The following SEC14L5 variants were observed in gnomAD, a reference collection of about 807,000 sequenced individuals.
SEC14L5 encodes the protein SEC14-like protein 5.
Under a neutral mutation model 84.6 loss-of-function variants are expected in SEC14L5, and 96 were observed. The ratio of observed to expected loss-of-function variants is 1.13; its 90% CI spans 0.96 to 1.34. The LOEUF (loss-of-function observed/expected upper bound fraction) is 1.34, where lower values mean the gene tolerates loss of function less well. SEC14L5 is among the 40% of genes most tolerant of loss of function. SEC14L5 has a pLI of 0.00. For missense variants in SEC14L5, 1,224 were observed against 942.5 expected (o/e 1.30, Z -3.91); for synonymous variants, 546 against 383.4 (o/e 1.42, Z -4.95).
intron 2 of SEC14L5, among the ~76,000 whole-genome samples, chr16:4,979,553 G>C (rs1955393883): frequency 6.6e-6 from 1 of 152,110 alleles, no homozygotes; most frequent in African/African-American, 2.4e-5. Flanking sequence ...GTGTCCTTTT[G>C]GTACTCATCG....
At position 5,003,564 on chromosome 16, in the gene SEC14L5, C is replaced by G. The variant is rs758544483; in HGVS notation, c.1293C>G (p.Leu431=). ...GAGCCCCCCGAGTCTTCCCCGTGCT[C>G]TGGACACTGGTAAGAGCTGGAGCCT... ...IVRAPRVFPV[L]WTLISPFINE... Residue 431 remains leucine (L), a synonymous_variant, in exon 11 of 16, where the codon CTC becomes CTG. Coordinates refer to ENST00000251170, the MANE Select transcript of SEC14L5 (RefSeq NM_014692.2). 1.1e-5 allele frequency: 15 copies of G among 1,330,174 alleles called. No individual in the cohort carries two copies. The South Asian group carries it at 1.2e-4, about 10-fold the overall frequency. 82.4% of individuals were successfully genotyped at this position (1,330,174 alleles called of 1,614,324 possible). A position where few individuals can be genotyped will look rare whatever the true frequency, so the allele number is the denominator to read the frequency against.
chr16:5,002,298 A>ATT (rs71402579), intron 10 of SEC14L5, among the ~76,000 whole-genome samples: 59,688 of 133,610 alleles, frequency 0.45, 14,020 homozygotes, highest in Middle Eastern at 0.57. Context: ...CTGTTTGCAG[A>ATT]TTTTTTTTTT....
intron 2 of SEC14L5, among the ~76,000 whole-genome samples, chr16:4,973,666 T>C (rs1447116457): frequency 1.3e-5 from 2 of 150,570 alleles, no homozygotes; most frequent in Non-Finnish European, 2.9e-5. Context: ...ATGTGATTTC[T>C]TTTTTCTCTG....
At chr16:4,982,952 G>A (rs182873750) in intron 2 of SEC14L5, among the ~76,000 whole-genome samples, 1 of 152,156 alleles carries the variant, frequency 6.6e-6, no homozygotes, top group East Asian at 1.9e-4. Context: ...TTATGTAATA[G>A]ATATATTCAT....
At chr16:4,971,350 T>C (rs913814579) in intron 2 of SEC14L5, among the ~76,000 whole-genome samples, 9 of 151,648 alleles carry the variant, frequency 5.9e-5, no homozygotes, top group Admixed American at 5.9e-4. Context: ...TTCCAGCTAC[T>C]TGGGAGGCTG....
intron 2 of SEC14L5, among the ~76,000 whole-genome samples, chr16:4,962,686 C>CAAAAA (rs761644374): frequency 1.4e-4 from 11 of 81,238 alleles, no homozygotes; most frequent in South Asian, 5.6e-4. Flanking sequence ...AACTCTGTCT[C>CAAAAA]AAAAAAAAAA....
chr16:4,968,303 C>A (rs989916925), intron 2 of SEC14L5, among the ~76,000 whole-genome samples: 27 of 151,980 alleles, frequency 1.8e-4, no homozygotes, highest in African/African-American at 6.5e-4. Context: ...CCTCAGCCTC[C>A]CGAGTAGCTG....
chr16:4,972,370 T>G (rs1411066302), intron 2 of SEC14L5, among the ~76,000 whole-genome samples: 1 of 152,200 alleles, frequency 6.6e-6, no homozygotes, highest in Non-Finnish European at 1.5e-5. Flanking sequence ...GCATCTTAAG[T>G]GTACAGTTCA....
intron 2 of SEC14L5, among the ~76,000 whole-genome samples, chr16:4,984,493 A>C (rs1416986948): frequency 6.6e-6 from 1 of 152,172 alleles, no homozygotes; most frequent in African/African-American, 2.4e-5. Context: ...TGTTGCTATA[A>C]ATATTTGTGT....
In SEC14L5 at chr16:5,008,531, C is replaced by T. The variant is rs770493313; in HGVS notation, c.1683C>T (p.Gly561=). Residue 561 remains glycine (G), a synonymous_variant, in exon 14 of 16, where the codon GGC becomes GGT. Coordinates refer to ENST00000251170, the MANE Select transcript of SEC14L5 (RefSeq NM_014692.2). ...ACACCAAGCAGGCGCCCAGGCTGGG[C>T]GCCCGGGAACCGGGGACCAGGGCCA... ...LYHTKQAPRL[G]AREPGTRASG... is the part of the protein sequence containing the mutation. 3.3e-5 allele frequency: 53 copies of T among 1,608,908 alleles called. No individual in the cohort carries two copies. In the Middle Eastern group the frequency reaches 5.1e-4, roughly 15 times the overall value.
At chr16:4,998,641 G>A (rs1955641174) in intron 8 of SEC14L5, among the ~76,000 whole-genome samples, 1 of 147,674 alleles carries the variant, frequency 6.8e-6, no homozygotes, top group South Asian at 2.2e-4. Flanking sequence ...GGGAGGCTGA[G>A]GCAGGAGAAT....
intron 15 of SEC14L5, 64 bp from the exon 16 acceptor site, chr16:5,014,793 CTG>C: frequency 1.6e-6 from 2 of 1,254,994 alleles, no homozygotes; most frequent in African/African-American, 2.9e-5. Context: ...TTTTCCACTG[CTG>C]TGTGTCAGCC....
rs948801581 is a variant in SEC14L5 at position 5,006,099 on chromosome 16, C to T, written c.1437+51C>T. ...ACCTGGGCTTGAGGAGGGGGCATGC[C>T]TAGCTGGGAGGCTGGGATTCCCGGA... On this transcript the variant is annotated intron_variant, in intron 12 of 15. Transcript: ENST00000251170. 5 of 1,594,648 alleles carry T rather than the reference C, an allele frequency of 3.1e-6. No homozygotes were observed. The East Asian group carries it at 9.0e-5, about 29-fold the overall frequency.
chr16:4,999,072 G>T (rs376589462), intron 8 of SEC14L5, among the ~76,000 whole-genome samples: 1 of 152,242 alleles, frequency 6.6e-6, no homozygotes, highest in East Asian at 1.9e-4. Flanking sequence ...CCTTTTTGTG[G>T]CCTATTTAAT....
intron 15 of SEC14L5, among the ~76,000 whole-genome samples, chr16:5,014,315 G>A (rs796862468): frequency 7.9e-5 from 12 of 152,302 alleles, no homozygotes; most frequent in African/African-American, 2.6e-4. Flanking sequence ...TTGGGAGGCC[G>A]AGTCACGAGG....
intron 2 of SEC14L5, among the ~76,000 whole-genome samples, chr16:4,962,237 A>G (rs979669667): frequency 2.0e-5 from 3 of 152,082 alleles, no homozygotes; most frequent in Non-Finnish European, 4.4e-5. Flanking sequence ...TATGAATAGC[A>G]CTAGTAATGT....
At chr16:4,997,878 C>T (rs1955628687) in intron 8 of SEC14L5, among the ~76,000 whole-genome samples, 1 of 152,006 alleles carries the variant, frequency 6.6e-6, no homozygotes, top group Admixed American at 6.6e-5. Flanking sequence ...CTCTGTGTTT[C>T]TGTGTCCTCG....
intron 10 of SEC14L5, among the ~76,000 whole-genome samples, chr16:5,001,416 G>A (rs1285722516): frequency 2.0e-5 from 3 of 151,876 alleles, no homozygotes; most frequent in African/African-American, 4.8e-5. Flanking sequence ...CCGCCACCAC[G>A]CCTGACTAAT....
rs200042173 is a variant in SEC14L5 at position 5,008,558 on chromosome 16, C to A, written c.1710C>A (p.Ser570Arg). The A allele has an allele frequency of 6.2e-7, 1 of 1,608,258 alleles. No homozygotes were observed. Among genetic ancestry groups the A allele is most frequent in the Non-Finnish European group, 8.5e-7 (1 of 1,177,924 alleles). ...CCCGGGAACCGGGGACCAGGGCCAG[C>A]GGGCAGCTGATCGACAAAGGCTGGG... The part of the protein sequence containing the change: ...LGAREPGTRA[S>R]GQLIDKGWVL... Residue 570 changes from serine (S) to arginine (R), a missense_variant, in exon 14 of 16, where the codon AGC becomes AGA. Coordinates refer to ENST00000251170, the MANE Select transcript of SEC14L5 (RefSeq NM_014692.2).
Sources: allele counts gnomAD v4.1 joint callset (sites outside exome capture counted in the v4.1 genomes callset), GRCh38; gene constraint gnomAD v4.1.1; transcripts MANE v1.5; gene names NCBI Gene and HGNC (gene_info 2026-07-23, HGNC 2026-07-21).